Variants in VPS37B observed in about 807,000 individuals in gnomAD.
VPS37B encodes VPS37B subunit of ESCRT-I.
VPS37B carries 11 observed loss-of-function variants against 21.2 expected under a neutral mutation model. The ratio of observed to expected loss-of-function variants is 0.52; its 90% confidence interval spans 0.33 to 0.86. The LOEUF is 0.86. Ranked by LOEUF, VPS37B falls within the 40% of genes least tolerant of loss-of-function variation. VPS37B has a pLI of 0.03. For synonymous variants in VPS37B, 175 were observed against 159.6 expected, an observed-to-expected ratio of 1.10 and a Z score of -0.73; for missense variants, 389 against 374.8, an observed-to-expected ratio of 1.04 and a Z score of -0.31.
intron 1 of VPS37B, chr12:122,873,538 G>A (rs970354755): frequency 6.6e-5 from 10 of 152,308 alleles, no homozygotes; most frequent in Admixed American, 2.6e-4. Context: ...CCTGGGGTTA[G>A]GCACAGGGAA....
At chr12:122,887,473 C>A (rs538034110) in intron 1 of VPS37B, 1 of 152,504 alleles carries the variant, frequency 6.6e-6, no homozygotes, top group East Asian at 1.9e-4. Flanking sequence ...TGTATGCACA[C>A]ACACTCTGTC....
Position 122,865,958 on chromosome 12 carries a change from G to A in VPS37B, c.*1158C>T, listed in dbSNP as rs2033890511. ...TGCAGCCCCGTCCCTCAATCCCATG[G>A]GGCGGGCTTTCGCCAAACCCCTAAC... On this transcript the variant is annotated 3_prime_UTR_variant, in exon 4 of 4. Coordinates refer to ENST00000267202, the MANE Select transcript of VPS37B (RefSeq NM_024667.3). 1 of 152,544 alleles carries A rather than the reference G, an allele frequency of 6.6e-6. No individual in the cohort carries two copies. The highest frequency in any genetic ancestry group is 2.4e-5 in the African/African-American group (1 of 41,474). The allele number at this position is 152,544 out of a possible 1,614,324, so 9.4% of individuals were successfully genotyped here.
In VPS37B at chr12:122,867,139, G is replaced by A; in HGVS notation, c.835C>T (p.Gln279Ter). 1.9e-6 allele frequency: 3 copies of A among 1,539,102 alleles called. No individual in the cohort carries two copies. Among genetic ancestry groups the A allele is most frequent in the Non-Finnish European group, 2.6e-6 (3 of 1,150,426 alleles). ...QRPPPRLPPH[Q>*]PGFILQ ...GCTCACTGGAGGATGAAACCCGGCT[G>A]GTGTGGAGGGAGCCGGGGCGGGGGT... Residue 279 changes from glutamine to a stop codon, truncating the protein, a stop_gained, in exon 4 of 4, where the codon CAG (glutamine) becomes TAG (stop). Coordinates refer to ENST00000267202, the MANE Select transcript of VPS37B (RefSeq NM_024667.3). LOFTEE classifies it high-confidence loss of function. The surrounding 1 kb of genome is among the most constrained non-coding windows in gnomAD (Gnocchi z 5.5).
At chr12:122,893,148 A>C (rs549952547) in intron 1 of VPS37B, among the ~76,000 whole-genome samples, 2 of 152,342 alleles carry the variant, frequency 1.3e-5, no homozygotes, top group East Asian at 3.9e-4. Context: ...GATCCTAGTA[A>C]CTTTCAGGAT....
At chr12:122,893,496 T>C (rs1465078146) in intron 1 of VPS37B, among the ~76,000 whole-genome samples, 1 of 152,158 alleles carries the variant, frequency 6.6e-6, no homozygotes, top group Non-Finnish European at 1.5e-5. Flanking sequence ...TTTTCTTCTA[T>C]TGTGTCTCAC....
intron 1 of VPS37B, among the ~76,000 whole-genome samples, chr12:122,895,273 A>T (rs1191847691): frequency 6.6e-6 from 1 of 151,682 alleles, no homozygotes; most frequent in Non-Finnish European, 1.5e-5. Context: ...TCCCGAACCC[A>T]TCTTGGAACC....
chr12:122,872,845 T>A, intron 1 of VPS37B: 1 of 302,992 alleles, frequency 3.3e-6, no homozygotes, highest in Non-Finnish European at 4.9e-6. Flanking sequence ...AGAGCAACAT[T>A]TATTTGTAAC....
At chr12:122,872,383 T>A (rs2034056738) in intron 1 of VPS37B, 1 of 985,348 alleles carries the variant, frequency 1.0e-6, no homozygotes, top group Non-Finnish European at 1.2e-6. Flanking sequence ...AAGATCAGGC[T>A]CTGCTGAAAC....
chr12:122,867,299 C>T lies in VPS37B; in HGVS notation c.675G>A (p.Ala225=), dbSNP rs367674952. The part of the protein sequence containing the change: ...PAGRLATPFT[A]AMSSGQAVPY... ...GCACGGCCTGTCCCGAACTCATGGC[C>T]GCAGTAAACGGGGTGGCTAAGCGTC... Residue 225 remains alanine, a synonymous_variant, in exon 4 of 4, where the codon GCG becomes GCA. Transcript: ENST00000267202. The surrounding 1 kb of genome is among the most constrained non-coding windows in gnomAD (Gnocchi z 5.5). 26 of 1,565,014 alleles carry T rather than the reference C, an allele frequency of 1.7e-5. No individual in the cohort carries two copies. The highest frequency in any genetic ancestry group is 7.6e-5 in the Admixed American group (4 of 52,782).
intron 1 of VPS37B, chr12:122,877,043 C>T (rs1206644818): frequency 6.6e-6 from 1 of 152,188 alleles, no homozygotes; most frequent in African/African-American, 2.4e-5. Flanking sequence ...TTGTGCCTTC[C>T]TAAACACAAA....
chr12:122,871,877 C>A (rs1267268069), intron 1 of VPS37B: 26 of 985,218 alleles, frequency 2.6e-5, no homozygotes, highest in Non-Finnish European at 3.1e-5. Flanking sequence ...GCGTGGGTAC[C>A]CTAGTTCCCT....
In VPS37B at chr12:122,896,037, C is replaced by T; in HGVS notation, c.26G>A (p.Arg9Gln). Residue 9 changes from arginine to glutamine, a missense_variant, in exon 1 of 4, where the codon CGG (arginine) becomes CAG (glutamine). Physicochemically the swap from Arg to Gln is conservative, Grantham distance 43. Transcript: ENST00000267202. ...CTGCACCAGCGACAGCCCGGCGAACCGGGCTTCGCTCCCGGCGCCCGCCAT... is the reference window on the plus strand; with the variant it reads ...CTGCACCAGCGACAGCCCGGCGAACTGGGCTTCGCTCCCGGCGCCCGCCAT... MAGAGSEA[R>Q]FAGLSLVQLN... 1 of 1,587,968 alleles carries T rather than the reference C, an allele frequency of 6.3e-7. No homozygotes were observed. Among genetic ancestry groups the T allele is most frequent in the South Asian group, 1.1e-5 (1 of 89,536 alleles).
rs1003132182 is a variant in VPS37B at position 122,867,057 on chromosome 12, G to A, written c.*59C>T. 1.2e-5 allele frequency: 17 copies of A among 1,458,968 alleles called. No individual in the cohort carries two copies. Among genetic ancestry groups the A allele is most frequent in the Admixed American group, 2.9e-5 (1 of 34,702 alleles). The allele number at this position is 1,458,968 out of a possible 1,614,324, so 90.4% of individuals were successfully genotyped here. On this transcript the variant is annotated 3_prime_UTR_variant, in exon 4 of 4. Transcript: ENST00000267202. This position sits in a 1 kb window ranked among gnomAD's most constrained non-coding sequence, Gnocchi z 5.5. ...AGAGCGGACCTCCAGCCTCCTTCCC[G>A]TGAGCAGAGCACAACACGCCAGGTG...
At chr12:122,870,814 C>A in intron 2 of VPS37B, 76 bp downstream of exon 2, 200 of 1,414,856 alleles carry the variant, frequency 1.4e-4, no homozygotes, top group East Asian at 1.5e-4. Context: ...ATATTTCTTT[C>A]CTGGTAGGGC....
intron 1 of VPS37B, chr12:122,876,480 C>T (rs1326133431): frequency 2.6e-5 from 4 of 152,070 alleles, no homozygotes; most frequent in African/African-American, 7.2e-5. Flanking sequence ...GAGGCCAAGG[C>T]GGATGGATCA....
At chr12:122,874,407 G>C (rs2034106057) in intron 1 of VPS37B, 1 of 152,178 alleles carries the variant, frequency 6.6e-6, no homozygotes, top group African/African-American at 2.4e-5. Flanking sequence ...CCGCTAAGCT[G>C]AAGACTTTTG....
At chr12:122,875,884 CTT>C (rs989589963) in intron 1 of VPS37B, 1 of 151,028 alleles carries the variant, frequency 6.6e-6, no homozygotes, top group Admixed American at 6.6e-5. Flanking sequence ...TTGCCACTGT[CTT>C]TGTTTCATGG....
chr12:122,867,016 CCA>C lies in VPS37B; in HGVS notation c.*98_*99del. The C allele has an allele frequency of 7.2e-7, 1 of 1,386,120 alleles. No individual in the cohort carries two copies. The allele number at this position is 1,386,120 out of a possible 1,614,324, so 85.9% of individuals were successfully genotyped here. ...CAGACAGACACGCTGGCCCAGGGCC[CCA>C]GAGCCCTTGGCACAGAGCGGACCTC... On this transcript the variant is annotated 3_prime_UTR_variant, in exon 4 of 4. Coordinates refer to ENST00000267202, the MANE Select transcript of VPS37B (RefSeq NM_024667.3). The surrounding 1 kb of genome is among the most constrained non-coding windows in gnomAD (Gnocchi z 5.5).
At chr12:122,871,932 C>G in intron 1 of VPS37B, 1 of 985,438 alleles carries the variant, frequency 1.0e-6, no homozygotes, top group Non-Finnish European at 1.2e-6. Flanking sequence ...GCCCAGCCGC[C>G]GCCACCTCAC....
Sources: gnomAD v4.1 joint callset for allele counts (sites outside exome capture counted in the v4.1 genomes callset) on GRCh38, gnomAD v4.1.1 for gene constraint, Gnocchi (gnomAD v3.1) non-coding constraint, MANE v1.5 for transcripts, NCBI Gene and HGNC (gene_info 2026-07-23, HGNC 2026-07-21) for gene names.